The following RAD52 variants were observed in gnomAD, a reference collection of about 807,000 sequenced individuals.
RAD52 encodes RAD52 DNA repair protein.
In RAD52, 47 loss-of-function variants were observed where a neutral mutation model predicts 55.5. The ratio of observed to expected loss-of-function variants is 0.85; its 90% CI spans 0.67 to 1.08. The LOEUF (loss-of-function observed/expected upper bound fraction) is 1.08. RAD52 is among the 50% of genes least tolerant of loss of function. The pLI, the probability that RAD52 is intolerant of heterozygous loss-of-function variation, is 0.00. For synonymous variants in RAD52, 184 were observed against 198.9 expected, an observed-to-expected ratio of 0.92 and a Z score of 0.63; for missense variants, 468 against 522.8, an observed-to-expected ratio of 0.90 and a Z score of 1.02.
chr12:929,979 T>C (rs753721853), intron 4 of RAD52, 72 bp downstream of exon 4: 2 of 1,574,136 alleles, frequency 1.3e-6, no homozygotes, highest in South Asian at 1.1e-5. Flanking sequence ...CTACCTTACC[T>C]CCTCACCCAC....
intron 1 of RAD52, among the ~76,000 whole-genome samples, chr12:935,303 C>A (rs1272902662): frequency 1.3e-5 from 2 of 150,916 alleles, no homozygotes. Flanking sequence ...GAGCAGGAGG[C>A]CCCAACATTC....
At chr12:973,758 C>G (rs1471986523) in intron 1 of RAD52, among the ~76,000 whole-genome samples, 1 of 147,320 alleles carries the variant, frequency 6.8e-6, no homozygotes, top group African/African-American at 2.5e-5. Flanking sequence ...GGATTACAGG[C>G]ATGAGCCACC....
chr12:975,843 GTTATCA>G (rs2154121536), intron 1 of RAD52: 1 of 152,314 alleles, frequency 6.6e-6, no homozygotes, highest in South Asian at 2.1e-4. Flanking sequence ...TCAATTCTTA[GTTATCA>G]TTATCATCTT....
rs991407768 is a variant in RAD52 at position 917,100 on chromosome 12, C to A, written c.544-280G>T. On this transcript the variant is annotated intron_variant, in intron 7 of 11. Transcript: ENST00000358495. ...TCCTGGGCTGCTGGGTCTGTCTTTG[C>A]TGCCTCCTTGTCCTTTTTCCACGGA... is the stretch of plus-strand genomic sequence containing the variant. Among the ~76,000 whole-genome samples, 36 of 152,224 alleles carry A rather than the reference C, an allele frequency of 2.4e-4. 1 individual carries two copies. Among genetic ancestry groups the A allele is most frequent in the Non-Finnish European group, 1.0e-4 (7 of 68,040 alleles).
Position 978,553 on chromosome 12 carries a change from C to A in RAD52, c.-19+11256G>T, listed in dbSNP as rs1175758119. On this transcript the variant is annotated intron_variant, in intron 1 of 11. Coordinates refer to the RAD52 transcript ENST00000430095. Reference sequence around the variant, plus strand: ...AGGTGGCTCAGGCCCGTAATCCTAGCATTTTGGGAGTCCAAGGTGGACAGA... The same window carrying A: ...AGGTGGCTCAGGCCCGTAATCCTAGAATTTTGGGAGTCCAAGGTGGACAGA... Among the ~76,000 whole-genome samples the A allele has an allele frequency of 1.4e-4, 22 of 152,188 alleles. 1 individual carries two copies. In the South Asian group the frequency reaches 2.1e-3, roughly 14 times the overall value.
intron 6 of RAD52, among the ~76,000 whole-genome samples, chr12:925,948 C>A (rs2154112722): frequency 6.6e-6 from 1 of 152,260 alleles, no homozygotes; most frequent in Admixed American, 6.5e-5. Context: ...GAGTTCTTAA[C>A]TTGGGATCTA....
intron 1 of RAD52, among the ~76,000 whole-genome samples, chr12:970,928 G>A (rs996291358): frequency 6.8e-6 from 1 of 146,820 alleles, no homozygotes; most frequent in Non-Finnish European, 1.5e-5. Flanking sequence ...GAGAGAGAGA[G>A]ACAGGAAATA....
At chr12:984,727 T>C (rs4765901) in intron 1 of RAD52, among the ~76,000 whole-genome samples, 143,940 of 151,490 alleles carry the variant, frequency 0.95, 68,757 homozygotes, top group East Asian at 1. Context: ...TGCAGTGGCG[T>C]GATCTCGGCT....
chr12:956,703 C>T (rs1474741248), intron 1 of RAD52, among the ~76,000 whole-genome samples: 1 of 152,164 alleles, frequency 6.6e-6, no homozygotes, highest in Admixed American at 6.6e-5. Flanking sequence ...CCCGCCACCA[C>T]ACCTGGCTAA....
chr12:952,930 AG>A (rs1958550610), upstream of RAD52, among the ~76,000 whole-genome samples: 1 of 19,816 alleles, frequency 5.0e-5, no homozygotes, highest in Non-Finnish European at 9.2e-5. Context: ...AGGGAGGGGA[AG>A]GGGAGGGGAG....
At chr12:920,561 A>G (rs1956671053) in intron 7 of RAD52, among the ~76,000 whole-genome samples, 2 of 103,246 alleles carry the variant, frequency 1.9e-5, no homozygotes, top group South Asian at 2.8e-4. Context: ...CTCCGTCTCA[A>G]AAAAAAAAAA....
At chr12:944,775 T>TTTC in intron 1 of RAD52, among the ~76,000 whole-genome samples, 1 of 150,624 alleles carries the variant, frequency 6.6e-6, no homozygotes, top group African/African-American at 2.4e-5. Context: ...TCTTTCTTTT[T>TTTC]TTTTTTTTTT....
At chr12:970,738 G>A (rs1053787452) in intron 1 of RAD52, among the ~76,000 whole-genome samples, 13 of 152,102 alleles carry the variant, frequency 8.5e-5, no homozygotes, top group Admixed American at 5.2e-4. Context: ...GTAAGTAGGC[G>A]GTCCATGAGA....
chr12:950,415 C>CA (rs1403269472), upstream of RAD52, among the ~76,000 whole-genome samples: 3 of 151,386 alleles, frequency 2.0e-5, no homozygotes, highest in Non-Finnish European at 3.0e-5. Flanking sequence ...ACTAAAAATA[C>CA]AAAAAATTAG....
chr12:936,124 T>C (rs368510896), intron 1 of RAD52, among the ~76,000 whole-genome samples: 2 of 151,664 alleles, frequency 1.3e-5, no homozygotes, highest in South Asian at 2.1e-4. Flanking sequence ...GTCAACATGG[T>C]GAAACCCCAT....
intron 7 of RAD52, among the ~76,000 whole-genome samples, chr12:920,830 C>T (rs1000132308): frequency 6.6e-6 from 1 of 152,178 alleles, no homozygotes; most frequent in Admixed American, 6.6e-5. Context: ...ATTCCACCCA[C>T]CAATAGCAGA....
intron 1 of RAD52, among the ~76,000 whole-genome samples, chr12:981,881 T>G (rs1959021656): frequency 6.6e-6 from 1 of 152,246 alleles, no homozygotes; most frequent in Non-Finnish European, 1.5e-5. Flanking sequence ...TCTGCCCTCC[T>G]GGCCCAGTGG....
intron 1 of RAD52, among the ~76,000 whole-genome samples, chr12:964,190 A>G (rs1958725612): frequency 6.6e-6 from 1 of 152,108 alleles, no homozygotes; most frequent in South Asian, 2.1e-4. Context: ...TGAGCAGAAG[A>G]GTGATGTTTA....
chr12:947,294 C>A (rs1463882664), intron 1 of RAD52, among the ~76,000 whole-genome samples: 2 of 151,388 alleles, frequency 1.3e-5, no homozygotes, highest in African/African-American at 4.8e-5. Flanking sequence ...CCACTGCAGT[C>A]CAGCCTGGGC....
Sources: gnomAD v4.1 joint callset for allele counts (sites outside exome capture counted in the v4.1 genomes callset) on GRCh38, gnomAD v4.1.1 for gene constraint, MANE v1.5 for transcripts, NCBI Gene and HGNC (gene_info 2026-07-23, HGNC 2026-07-21) for gene names.